Variants in OPHN1 observed in about 807,000 individuals in gnomAD.
OPHN1 encodes the protein oligophrenin-1.
A neutral mutation model predicts 60.7 loss-of-function variants in OPHN1; 11 were observed. The observed-to-expected ratio is 0.18, with a 90% CI of 0.11 to 0.30. OPHN1 has a LOEUF of 0.30. OPHN1 is among the 10% of genes least tolerant of loss of function. OPHN1 has a pLI of 1.00. For synonymous variants in OPHN1, 226 were observed against 222.6 expected (o/e 1.02, Z -0.14); for missense variants, 449 against 611.0 (o/e 0.73, Z 2.80).
chrX:68,136,594 C>T (rs7886671), intron 15 of OPHN1, among the ~76,000 whole-genome samples: 24,317 of 110,647 alleles, frequency 0.22, 2,946 homozygotes, highest in African/African-American at 0.43. Context: ...TGAGCCACCG[C>T]GCTTGGCCTA....
At chrX:68,147,120 T>C (rs1271405037) in intron 15 of OPHN1, among the ~76,000 whole-genome samples, 2 of 111,676 alleles carry the variant, frequency 1.8e-5, no homozygotes, top group Non-Finnish European at 3.8e-5. Context: ...CCACTCAGGA[T>C]AAGTAAGCTA....
chrX:68,412,424 T>C (rs768146578), intron 2 of OPHN1, among the ~76,000 whole-genome samples: 3 of 111,449 alleles, frequency 2.7e-5, no homozygotes, highest in Non-Finnish European at 5.6e-5. Context: ...TACTTCCATT[T>C]ATAGAGTAGT....
intron 6 of OPHN1, 89 bp downstream of exon 6, chrX:68,234,398 G>A (rs1400741027): frequency 5.6e-6 from 4 of 714,062 alleles, no homozygotes; most frequent in Non-Finnish European, 8.9e-6. Context: ...GCTGAGACGG[G>A]GTATGGGAAA....
intron 5 of OPHN1, among the ~76,000 whole-genome samples, chrX:68,274,049 T>C (rs1162415624): frequency 2.7e-5 from 3 of 111,483 alleles, no homozygotes; most frequent in Non-Finnish European, 5.7e-5. Context: ...CACTCACCAC[T>C]AGGAGAACAG....
chrX:68,405,242 T>C (rs182608829), intron 2 of OPHN1, among the ~76,000 whole-genome samples: 72 of 112,271 alleles, frequency 6.4e-4, no homozygotes, highest in Non-Finnish European at 1.2e-3. Flanking sequence ...GTCACTCTGT[T>C]GCCCAGGCTG....
At chrX:68,185,201 T>C (rs186512997) in intron 15 of OPHN1, among the ~76,000 whole-genome samples, 154 of 112,610 alleles carry the variant, frequency 1.4e-3, no homozygotes, top group African/African-American at 4.9e-3. Flanking sequence ...CTGCAGAGAT[T>C]AACAAAAGCT....
chrX:68,428,662 T>C (rs1391757735), intron 2 of OPHN1, among the ~76,000 whole-genome samples: 1 of 112,262 alleles, frequency 8.9e-6, no homozygotes. Flanking sequence ...TAACACTTAT[T>C]AGATGTGTCA....
intron 7 of OPHN1, 145 bp from the exon 8 acceptor site, chrX:68,212,357 C>T (rs1004202455): frequency 3.7e-5 from 17 of 458,476 alleles, no homozygotes; most frequent in East Asian, 1.2e-4. Flanking sequence ...GAGGCCGAGG[C>T]GGGCAGATCG....
intron 15 of OPHN1, among the ~76,000 whole-genome samples, chrX:68,169,059 A>G (rs1407112657): frequency 1.8e-5 from 2 of 111,580 alleles, no homozygotes; most frequent in African/African-American, 6.5e-5. Context: ...ATTCACAGCC[A>G]AATTCTACCA....
intron 2 of OPHN1, among the ~76,000 whole-genome samples, chrX:68,353,311 G>A (rs2078422525): frequency 9.5e-6 from 1 of 104,986 alleles, no homozygotes; most frequent in African/African-American, 3.5e-5. Context: ...GCTCATGCCT[G>A]TAATCCCAGC....
intron 2 of OPHN1, among the ~76,000 whole-genome samples, chrX:68,390,433 T>C (rs1359027659): frequency 9.1e-6 from 1 of 110,004 alleles, no homozygotes; most frequent in Non-Finnish European, 1.9e-5. Flanking sequence ...ACCCCATCAC[T>C]ACAAAAAATA....
At chrX:68,422,246 T>C (rs2078829575) in intron 2 of OPHN1, among the ~76,000 whole-genome samples, 1 of 110,910 alleles carries the variant, frequency 9.0e-6, no homozygotes, top group Admixed American at 9.7e-5. Context: ...GCAAGCTACC[T>C]GCTTGCAGAA....
chrX:68,324,069 T>G (rs916059383), intron 2 of OPHN1, among the ~76,000 whole-genome samples: 7 of 111,788 alleles, frequency 6.3e-5, no homozygotes, highest in Middle Eastern at 4.6e-3. Flanking sequence ...TCCCTATAGC[T>G]CTTACTAATA....
At chrX:68,252,806 C>T (rs2077842622) in intron 5 of OPHN1, among the ~76,000 whole-genome samples, 1 of 111,101 alleles carries the variant, frequency 9.0e-6, no homozygotes, top group South Asian at 3.9e-4. Flanking sequence ...TAATTGTCAA[C>T]GGAAGTGAGA....
chrX:68,169,706 G>T (rs1247034241), intron 15 of OPHN1, among the ~76,000 whole-genome samples: 20 of 108,362 alleles, frequency 1.8e-4, no homozygotes, highest in African/African-American at 6.8e-4. Flanking sequence ...AATAAATGGT[G>T]CTGGGAAAAC....
At chrX:68,072,746 G>C (rs1248917538) in intron 20 of OPHN1, among the ~76,000 whole-genome samples, 1 of 111,788 alleles carries the variant, frequency 8.9e-6, no homozygotes, top group Non-Finnish European at 1.9e-5. Flanking sequence ...TCTTCTGTGA[G>C]GGCAAGCAAT....
rs1259164404 is a variant in OPHN1, at chrX:68,406,265, A to C, written c.154+26602T>G. 2.7e-5 allele frequency among the ~76,000 whole-genome samples: 3 copies of C among 111,812 alleles called. No individual in the cohort carries two copies. The East Asian group carries it at 8.4e-4, about 31-fold the overall frequency. ...AAGGATATTATTGGGACAATTAGTTAAATTTTAGTATTGACTTTAGATTAG... is the reference window on the plus strand; with the variant it reads ...AAGGATATTATTGGGACAATTAGTTCAATTTTAGTATTGACTTTAGATTAG... On this transcript the variant is annotated intron_variant, in intron 2 of 24. Transcript: ENST00000355520.
chrX:68,075,644 A>C (rs1256180992), intron 19 of OPHN1, among the ~76,000 whole-genome samples: 1 of 111,130 alleles, frequency 9.0e-6, no homozygotes, highest in Non-Finnish European at 1.9e-5. Flanking sequence ...AGATAGGTGA[A>C]TAGATCAATG....
intron 2 of OPHN1, among the ~76,000 whole-genome samples, chrX:68,329,369 C>T (rs1207702874): frequency 8.9e-6 from 1 of 112,154 alleles, no homozygotes; most frequent in Non-Finnish European, 1.9e-5. Context: ...GCACACTGCC[C>T]AGGAAGGCAT....
Sources: gnomAD v4.1 joint callset for allele counts (sites outside exome capture counted in the v4.1 genomes callset) on GRCh38, gnomAD v4.1.1 for gene constraint, MANE v1.5 for transcripts, NCBI Gene and HGNC (gene_info 2026-07-23, HGNC 2026-07-21) for gene names.